Variants in STARD13 observed in about 807,000 individuals in gnomAD.
The protein encoded by STARD13 is stAR-related lipid transfer protein 13.
In STARD13, 62 loss-of-function variants were observed where a neutral mutation model predicts 106.4. The ratio of observed to expected loss-of-function variants is 0.58; its 90% CI spans 0.48 to 0.72. The LOEUF is 0.72. Among genes scored for constraint, STARD13 ranks in the 30% least tolerant of loss-of-function variants. The pLI is 0.00. For synonymous variants in STARD13, 565 were observed against 553.0 expected (o/e 1.02, Z -0.31); for missense variants, 1,387 against 1,424.0 (o/e 0.97, Z 0.42).
chr13:33,650,802 C>T, the STARD13 span, among the ~76,000 whole-genome samples: 1 of 152,244 alleles, frequency 6.6e-6, no homozygotes, highest in Non-Finnish European at 1.5e-5. Flanking sequence ...AGTAAGTCCT[C>T]TTATAAAAAG....
chr13:33,443,223 A>G, the STARD13 span, among the ~76,000 whole-genome samples: 204 of 152,072 alleles, frequency 1.3e-3, 1 homozygote, highest in African/African-American at 4.9e-3. Flanking sequence ...TAAAAATACA[A>G]AAAATTAGCC....
chr13:33,616,449 C>A, the STARD13 span, among the ~76,000 whole-genome samples: 1 of 152,306 alleles, frequency 6.6e-6, no homozygotes, highest in African/African-American at 2.4e-5. Flanking sequence ...ATTTTCCATT[C>A]TCTGAATGGG....
Position 33,264,830 on chromosome 13 carries a change from C to T in STARD13, c.169+20640G>A, listed in dbSNP as rs577101105. 2.6e-5 allele frequency among the ~76,000 whole-genome samples: 4 copies of T among 152,216 alleles called. No homozygotes were observed. In the East Asian group the frequency reaches 7.7e-4, roughly 29 times the overall value. ...CGGGAATGGGTGTGACCATGACCTGCCAAGCAGAGAGTCTTTGCTGACTCA... is the reference window on the plus strand; with the variant it reads ...CGGGAATGGGTGTGACCATGACCTGTCAAGCAGAGAGTCTTTGCTGACTCA... On this transcript the variant is annotated intron_variant, in intron 1 of 13. Coordinates refer to ENST00000336934, the MANE Select transcript of STARD13 (RefSeq NM_178006.4).
chr13:33,550,661 C>G, the STARD13 span, among the ~76,000 whole-genome samples: 1 of 152,136 alleles, frequency 6.6e-6, no homozygotes, highest in African/African-American at 2.4e-5. Context: ...TTCACAGTTC[C>G]CTTCAATTTT....
chr13:33,454,441 T>G, the STARD13 span, among the ~76,000 whole-genome samples: 1 of 152,342 alleles, frequency 6.6e-6, no homozygotes, highest in South Asian at 2.1e-4. Flanking sequence ...GTATCTACTC[T>G]TGGAAGACAT....
chr13:33,542,156 T>A, the STARD13 span, among the ~76,000 whole-genome samples: 1 of 152,186 alleles, frequency 6.6e-6, no homozygotes, highest in Non-Finnish European at 1.5e-5. Context: ...ACGAGTAGTC[T>A]ATTTGTTTGC....
chr13:33,277,475 A>G (rs2277455), intron 1 of STARD13: 92,061 of 151,938 alleles, frequency 0.61, 28,612 homozygotes, highest in East Asian at 0.85. Context: ...TTTTTGGACC[A>G]TGAATTCAGA....
chr13:33,392,139 T>C, the STARD13 span, among the ~76,000 whole-genome samples: 1 of 152,140 alleles, frequency 6.6e-6, no homozygotes, highest in Non-Finnish European at 1.5e-5. Context: ...AATCAGAAGT[T>C]AAAATGCACA....
chr13:33,627,724 G>T, the STARD13 span, among the ~76,000 whole-genome samples: 2 of 152,188 alleles, frequency 1.3e-5, no homozygotes, highest in East Asian at 3.9e-4. Flanking sequence ...AGGTGGAGAG[G>T]CCTCAGTGGT....
chr13:33,611,531 A>G, the STARD13 span: 1 of 152,228 alleles, frequency 6.6e-6, no homozygotes, highest in Non-Finnish European at 1.5e-5. Flanking sequence ...TAGTTGCTCT[A>G]ATAGCAACTG....
the STARD13 span, among the ~76,000 whole-genome samples, chr13:33,408,451 C>T: frequency 6.6e-6 from 1 of 151,936 alleles, no homozygotes; most frequent in East Asian, 1.9e-4. Flanking sequence ...ACATAATCTC[C>T]TCAAGGATCA....
At chr13:33,105,796 G>C in intron 13 of STARD13, 86 bp from the exon 14 acceptor site, 4 of 1,137,746 alleles carry the variant, frequency 3.5e-6, no homozygotes, top group Non-Finnish European at 5.3e-6. Context: ...CTGCCCTTGG[G>C]CCCCGATGAC....
intron 5 of STARD13, 148 bp from the exon 6 acceptor site, chr13:33,127,694 G>T: frequency 2.7e-6 from 2 of 734,402 alleles, no homozygotes; most frequent in Non-Finnish European, 4.1e-6. Context: ...ACACAAGTGT[G>T]CAGAATAAAC....
the STARD13 span, among the ~76,000 whole-genome samples, chr13:33,616,299 CAAGA>C: frequency 6.6e-6 from 1 of 151,826 alleles, no homozygotes; most frequent in Non-Finnish European, 1.5e-5. Context: ...AAAAATAAAG[CAAGA>C]AAGAAAGAAA....
chr13:33,342,686 C>T (rs2077974004), intron 1 of STARD13, among the ~76,000 whole-genome samples: 1 of 152,050 alleles, frequency 6.6e-6, no homozygotes, highest in Non-Finnish European at 1.5e-5. Flanking sequence ...GCACGAGCCA[C>T]CATGCCCATC....
At chr13:33,140,452 G>A (rs1055506104) in intron 4 of STARD13, among the ~76,000 whole-genome samples, 3 of 152,182 alleles carry the variant, frequency 2.0e-5, no homozygotes, top group African/African-American at 7.2e-5. Flanking sequence ...ACAGCTGTTG[G>A]GAGGTTTATT....
At chr13:33,405,740 G>A in the STARD13 span, among the ~76,000 whole-genome samples, 2 of 152,218 alleles carry the variant, frequency 1.3e-5, no homozygotes, top group South Asian at 4.1e-4. Context: ...AGCAAGGTTG[G>A]TAAACAGAAA....
chr13:33,527,458 G>A, the STARD13 span, among the ~76,000 whole-genome samples: 3 of 151,956 alleles, frequency 2.0e-5, no homozygotes, highest in East Asian at 1.9e-4. Flanking sequence ...AGCAATAAAA[G>A]GAAATCAATT....
At chr13:33,585,224 C>A in the STARD13 span, among the ~76,000 whole-genome samples, 7 of 152,040 alleles carry the variant, frequency 4.6e-5, no homozygotes, top group African/African-American at 1.7e-4. Flanking sequence ...TATGGCAGTT[C>A]CTCAAAAAAT....
Sources: gnomAD v4.1 joint callset for allele counts (sites outside exome capture counted in the v4.1 genomes callset) on GRCh38, gnomAD v4.1.1 for gene constraint, MANE v1.5 for transcripts, NCBI Gene and HGNC (gene_info 2026-07-23, HGNC 2026-07-21) for gene names.